Variants in CRTAM observed in about 807,000 individuals in gnomAD.
CRTAM encodes cytotoxic and regulatory T cell molecule, also known as cytotoxic and regulatory T-cell molecule.
CRTAM carries 44 observed loss-of-function variants against 50.0 expected under a neutral mutation model. The observed-to-expected ratio is 0.88, with a 90% confidence interval of 0.69 to 1.13. The LOEUF is 1.13. CRTAM is among the 50% of genes most tolerant of loss of function. The pLI is 0.00. For synonymous variants in CRTAM, 159 were observed against 169.3 expected (o/e 0.94, Z 0.47); for missense variants, 448 against 457.5 (o/e 0.98, Z 0.19).
At chr11:122,845,720 A>T (rs540945633) in intron 1 of CRTAM, among the ~76,000 whole-genome samples, 1 of 152,234 alleles carries the variant, frequency 6.6e-6, no homozygotes, top group South Asian at 2.1e-4. Flanking sequence ...AAAATAAATA[A>T]ATAAAAAGGA....
intron 9 of CRTAM, 119 bp downstream of exon 9, chr11:122,868,218 G>GTGTGTA: frequency 1.6e-6 from 1 of 617,900 alleles, no homozygotes; most frequent in Non-Finnish European, 2.9e-6. Flanking sequence ...GTGTGTGTGT[G>GTGTGTA]TGTGTGTGTG....
intron 4 of CRTAM, among the ~76,000 whole-genome samples, chr11:122,854,665 A>AAG (rs1861981742): frequency 6.6e-6 from 1 of 151,662 alleles, no homozygotes; most frequent in Non-Finnish European, 1.5e-5. Flanking sequence ...TTCTATCAAA[A>AAG]AAAAAAAAAA....
At position 122,861,120 on chromosome 11, in the gene CRTAM, T is replaced by C. The variant is rs372819443; in HGVS notation, c.653-1344T>C. Among the ~76,000 whole-genome samples the C allele has an allele frequency of 2.5e-4, 38 of 152,266 alleles. No homozygotes were observed. The East Asian group carries it at 6.0e-3, about 24-fold the overall frequency. ...TTCTCTGGCACCTGTGTGGTCAGAG[T>C]TCATTTTAGCCTTATAGTCTATACT... On this transcript the variant is annotated intron_variant, in intron 5 of 9. Transcript: ENST00000227348.
At chr11:122,842,777 C>T (rs964912347) in intron 1 of CRTAM, among the ~76,000 whole-genome samples, 12 of 152,144 alleles carry the variant, frequency 7.9e-5, no homozygotes, top group African/African-American at 2.9e-4. Flanking sequence ...TAGAGCACCT[C>T]TCAAATATCT....
chr11:122,855,607 G>A, intron 4 of CRTAM, 88 bp from the exon 5 acceptor site: 1 of 1,089,300 alleles, frequency 9.2e-7, no homozygotes, highest in Non-Finnish European at 1.4e-6. Context: ...TCTAATGTTT[G>A]CCATGAAGTC....
Position 122,871,484 on chromosome 11 carries a change from G to C in CRTAM, c.*85G>C. On this transcript the variant is annotated 3_prime_UTR_variant, in exon 10 of 10. Coordinates refer to ENST00000227348, the MANE Select transcript of CRTAM (RefSeq NM_019604.4). ...GCCTGGGGGAAGGAGCTTAATTGCT[G>C]AGACATTAATAATGACCTCTTAGTG... 1 of 1,218,534 alleles carries C rather than the reference G, an allele frequency of 8.2e-7. No individual in the cohort carries two copies. The highest frequency in any genetic ancestry group is 1.1e-6 in the Non-Finnish European group (1 of 870,656). 75.5% of individuals were successfully genotyped at this position (1,218,534 alleles called of 1,614,324 possible). A position where few individuals can be genotyped will look rare whatever the true frequency, so the allele number is the denominator to read the frequency against.
intron 5 of CRTAM, among the ~76,000 whole-genome samples, chr11:122,861,497 G>A (rs544670868): frequency 7.5e-6 from 1 of 133,920 alleles, no homozygotes; most frequent in East Asian, 2.4e-4. Context: ...GTGCAGTGGT[G>A]CCATCTTGGC....
At chr11:122,854,595 G>GGTT (rs1374352940) in intron 4 of CRTAM, among the ~76,000 whole-genome samples, 4 of 151,450 alleles carry the variant, frequency 2.6e-5, no homozygotes, top group Non-Finnish European at 5.9e-5. Flanking sequence ...AGGAGGTGGA[G>GGTT]GTTGTGGTGT....
In CRTAM at chr11:122,854,024, C is replaced by T. The variant is rs1861970246; in HGVS notation, c.428C>T (p.Thr143Ile). ...GEEHVVLMCS[T>I]MRSKPPPQIT... ...GAACATGTTGTACTCATGTGCTCCACCATGAGAAGCAAGCCCCCTCCGCAG... is the reference window on the plus strand; with the variant it reads ...GAACATGTTGTACTCATGTGCTCCATCATGAGAAGCAAGCCCCCTCCGCAG... Residue 143 changes from threonine (T) to isoleucine (I), a missense_variant, in exon 4 of 10, where the codon ACC becomes ATC. Thr to Ile is a moderately conservative substitution (Grantham distance 89). Coordinates refer to ENST00000227348, the MANE Select transcript of CRTAM (RefSeq NM_019604.4). 2 of 1,614,024 alleles carry T rather than the reference C, an allele frequency of 1.2e-6. No individual in the cohort carries two copies. Among genetic ancestry groups the T allele is most frequent in the Non-Finnish European group, 1.7e-6 (2 of 1,179,926 alleles).
intron 4 of CRTAM, among the ~76,000 whole-genome samples, chr11:122,855,428 T>A (rs1357064724): frequency 6.6e-6 from 1 of 152,228 alleles, no homozygotes; most frequent in Non-Finnish European, 1.5e-5. Flanking sequence ...GTCTTGGATC[T>A]TTGTGTTTCA....
chr11:122,861,757 T>G (rs539716593), intron 5 of CRTAM, among the ~76,000 whole-genome samples: 2 of 152,050 alleles, frequency 1.3e-5, no homozygotes, highest in East Asian at 3.9e-4. Flanking sequence ...TCAGTGTTAG[T>G]ATTTGTAAAG....
intron 1 of CRTAM, 66 bp from the exon 2 acceptor site, chr11:122,850,002 C>T (rs34583080): frequency 0.17 from 236,898 of 1,408,472 alleles, 21,706 homozygotes; most frequent in Middle Eastern, 0.26. Flanking sequence ...AATGAATGAA[C>T]GAGACAAAAT....
chr11:122,866,315 T>G (rs965340152), intron 7 of CRTAM, among the ~76,000 whole-genome samples: 23 of 152,204 alleles, frequency 1.5e-4, no homozygotes, highest in Non-Finnish European at 3.1e-4. Flanking sequence ...AAAACTTTTT[T>G]GACCAACTCA....
At chr11:122,863,900 G>T (rs1052218516) in intron 6 of CRTAM, among the ~76,000 whole-genome samples, 1 of 151,770 alleles carries the variant, frequency 6.6e-6, no homozygotes, top group Non-Finnish European at 1.5e-5. Context: ...ATTCCCCTCG[G>T]GGTCCACATA....
Position 122,871,999 on chromosome 11 carries a change from G to C in CRTAM, c.*600G>C, listed in dbSNP as rs1038930430. On this transcript the variant is annotated 3_prime_UTR_variant, in exon 10 of 10. Transcript: ENST00000227348. Reference sequence around the variant, plus strand: ...AAAATGCAAAAATTAGCCAGGCGTAGTGGTGCGCACCTGTAGTCTCAGATA... The same window carrying C: ...AAAATGCAAAAATTAGCCAGGCGTACTGGTGCGCACCTGTAGTCTCAGATA... 20 of 152,286 alleles carry C rather than the reference G, an allele frequency of 1.3e-4. No homozygotes were observed. The highest frequency in any genetic ancestry group is 4.8e-4 in the African/African-American group (20 of 41,406). The allele number at this position is 152,286 out of a possible 1,614,324, so 9.4% of individuals were successfully genotyped here.
chr11:122,850,366 C>A, intron 2 of CRTAM, 152 bp downstream of exon 2: 1 of 707,908 alleles, frequency 1.4e-6, no homozygotes, highest in Non-Finnish European at 2.2e-6. Flanking sequence ...CCTCCAAATC[C>A]TGTTATTTTA....
intron 6 of CRTAM, among the ~76,000 whole-genome samples, chr11:122,864,184 T>C (rs1284211844): frequency 6.6e-6 from 1 of 152,194 alleles, no homozygotes; most frequent in African/African-American, 2.4e-5. Flanking sequence ...AGTTGTTATC[T>C]TGAAGCATCC....
At chr11:122,858,144 C>G (rs1276623827) in intron 5 of CRTAM, among the ~76,000 whole-genome samples, 1 of 152,120 alleles carries the variant, frequency 6.6e-6, no homozygotes, top group African/African-American at 2.4e-5. Flanking sequence ...AACTCCTAGG[C>G]TCAAGAAATT....
chr11:122,844,363 C>T (rs867807111), intron 1 of CRTAM, among the ~76,000 whole-genome samples: 11 of 152,330 alleles, frequency 7.2e-5, no homozygotes, highest in Admixed American at 5.9e-4. Context: ...TTACCCAATG[C>T]AGGCTTTCTG....
Sources: gnomAD v4.1 joint callset for allele counts (sites outside exome capture counted in the v4.1 genomes callset) on GRCh38, gnomAD v4.1.1 for gene constraint, MANE v1.5 for transcripts, NCBI Gene and HGNC (gene_info 2026-07-23, HGNC 2026-07-21) for gene names.